GALNT13: variants seen among roughly 807,000 people sequenced by gnomAD.
GALNT13 encodes polypeptide N-acetylgalactosaminyltransferase 13.
GALNT13 carries 28 observed loss-of-function variants against 64.2 expected under a neutral mutation model. That is an observed-to-expected ratio of 0.44 (90% confidence interval 0.32 to 0.60). The LOEUF is 0.60. GALNT13 is among the 20% of genes least tolerant of loss of function. The probability of loss-of-function intolerance (pLI) is 0.05; values close to 1 mark genes in which losing one functional copy is unlikely to be tolerated. For missense variants in GALNT13, 577 were observed against 669.8 expected, an observed-to-expected ratio of 0.86 and a Z score of 1.53; for synonymous variants, 214 against 224.6, an observed-to-expected ratio of 0.95 and a Z score of 0.42.
chr2:153,616,747 T>A, the GALNT13 span, among the ~76,000 whole-genome samples: 2 of 152,042 alleles, frequency 1.3e-5, no homozygotes, highest in Admixed American at 6.6e-5. Flanking sequence ...CATATAGAAA[T>A]TCTACTGATT....
the GALNT13 span, among the ~76,000 whole-genome samples, chr2:153,726,980 G>C: frequency 2.7e-5 from 4 of 150,124 alleles, no homozygotes; most frequent in African/African-American, 9.8e-5. Flanking sequence ...ACACATATTA[G>C]GTTGCTAGCC....
chr2:153,981,364 C>G (rs529888276), intron 3 of GALNT13, among the ~76,000 whole-genome samples: 5 of 152,100 alleles, frequency 3.3e-5, no homozygotes, highest in Admixed American at 3.3e-4. Flanking sequence ...TATCCCTCCC[C>G]ACTCTGCCCA....
At chr2:153,070,909 A>G in the GALNT13 span, among the ~76,000 whole-genome samples, 1 of 152,216 alleles carries the variant, frequency 6.6e-6, no homozygotes, top group South Asian at 2.1e-4. Flanking sequence ...TCAAGGGTGA[A>G]TCTTAAAGGC....
At chr2:154,429,002 T>C (rs1700591998) in intron 11 of GALNT13, among the ~76,000 whole-genome samples, 1 of 152,142 alleles carries the variant, frequency 6.6e-6, no homozygotes, top group African/African-American at 2.4e-5. Flanking sequence ...GAATGTTGTG[T>C]GTATTCTGAC....
At chr2:154,404,512 G>C (rs1308439380) in intron 10 of GALNT13, among the ~76,000 whole-genome samples, 1 of 152,162 alleles carries the variant, frequency 6.6e-6, no homozygotes, top group Non-Finnish European at 1.5e-5. Flanking sequence ...AAAGCAATGA[G>C]GTATTTGATG....
the GALNT13 span, among the ~76,000 whole-genome samples, chr2:153,588,221 C>G: frequency 6.6e-6 from 1 of 152,186 alleles, no homozygotes; most frequent in East Asian, 1.9e-4. Flanking sequence ...ATCTACTGTT[C>G]TGGAGTCTGG....
Position 154,217,629 on chromosome 2 carries a change from A to G in GALNT13, c.312-24401A>G, listed in dbSNP as rs140644463. On this transcript the variant is annotated intron_variant, in intron 4 of 12. Transcript: ENST00000392825. ...TACAAAGCTTTGGAAATATTTATCA[A>G]AAAAGGAAAAAATCTTCACTGAGGA... 3.9e-3 allele frequency among the ~76,000 whole-genome samples: 600 copies of G among 152,296 alleles called. 5 individuals carry two copies. Among genetic ancestry groups the G allele is most frequent in the Non-Finnish European group, 6.6e-3 (452 of 68,020 alleles).
At chr2:154,284,746 T>G (rs1472738238) in intron 8 of GALNT13, among the ~76,000 whole-genome samples, 1 of 152,174 alleles carries the variant, frequency 6.6e-6, no homozygotes, top group Non-Finnish European at 1.5e-5. Context: ...AATTCCAGTT[T>G]TAGCTTATTG....
At chr2:153,153,562 T>A in the GALNT13 span, among the ~76,000 whole-genome samples, 2 of 152,098 alleles carry the variant, frequency 1.3e-5, 1 homozygote, top group Admixed American at 1.3e-4. Flanking sequence ...TGAGTTAATT[T>A]TCATATATGG....
chr2:153,717,934 A>T, the GALNT13 span, among the ~76,000 whole-genome samples: 1 of 152,120 alleles, frequency 6.6e-6, no homozygotes, highest in Admixed American at 6.5e-5. Flanking sequence ...CCTAGTAGAG[A>T]AAATAAATAA....
chr2:154,364,886 G>A (rs1697281194), intron 9 of GALNT13, among the ~76,000 whole-genome samples: 1 of 152,154 alleles, frequency 6.6e-6, no homozygotes, highest in Admixed American at 6.5e-5. Context: ...GGCTAAGCTG[G>A]TCTTGAACTC....
the GALNT13 span, among the ~76,000 whole-genome samples, chr2:153,222,922 A>C: frequency 0.84 from 127,279 of 151,864 alleles, 54,568 homozygotes; most frequent in African/African-American, 0.93. Context: ...GGCGGCTGGG[A>C]AACTGCAGCT....
At chr2:153,487,589 T>C in the GALNT13 span, among the ~76,000 whole-genome samples, 1 of 152,190 alleles carries the variant, frequency 6.6e-6, no homozygotes, top group South Asian at 2.1e-4. Flanking sequence ...TGGTAGCCTG[T>C]GATAAATTCT....
At chr2:153,948,138 T>C (rs1691905092) in intron 3 of GALNT13, among the ~76,000 whole-genome samples, 1 of 152,146 alleles carries the variant, frequency 6.6e-6, no homozygotes, top group South Asian at 2.1e-4. Flanking sequence ...TTGTTCTTTT[T>C]GCTTAGGATT....
At chr2:153,485,378 C>G in the GALNT13 span, among the ~76,000 whole-genome samples, 6 of 152,126 alleles carry the variant, frequency 3.9e-5, no homozygotes, top group African/African-American at 7.2e-5. Flanking sequence ...AAAGTTCACT[C>G]TCATCCAGAA....
the GALNT13 span, among the ~76,000 whole-genome samples, chr2:153,467,379 T>TA: frequency 6.6e-6 from 1 of 151,994 alleles, no homozygotes; most frequent in African/African-American, 2.4e-5. Context: ...CCCAAAGCTG[T>TA]ACGGGTGGAT....
At chr2:153,684,648 AT>A in the GALNT13 span, among the ~76,000 whole-genome samples, 5 of 150,966 alleles carry the variant, frequency 3.3e-5, no homozygotes, top group Non-Finnish European at 3.0e-5. Context: ...TGTTTTTTAA[AT>A]TTTTTTTAAC....
At chr2:153,633,755 T>C in the GALNT13 span, among the ~76,000 whole-genome samples, 1 of 152,216 alleles carries the variant, frequency 6.6e-6, no homozygotes, top group Non-Finnish European at 1.5e-5. Context: ...GGAACTGTGA[T>C]GCTAGAGATT....
the GALNT13 span, among the ~76,000 whole-genome samples, chr2:153,214,524 A>T: frequency 1.3e-5 from 2 of 152,184 alleles, no homozygotes; most frequent in Non-Finnish European, 2.9e-5. Flanking sequence ...TGATACATGG[A>T]AGCATGTTGT....
Sources: allele counts gnomAD v4.1 joint callset (sites outside exome capture counted in the v4.1 genomes callset), GRCh38; gene constraint gnomAD v4.1.1; transcripts MANE v1.5; gene names NCBI Gene and HGNC (gene_info 2026-07-23, HGNC 2026-07-21).